ABL2: variants seen among roughly 807,000 people sequenced by gnomAD.
The protein encoded by ABL2 is tyrosine-protein kinase ABL2.
ABL2 carries 49 observed loss-of-function variants against 107.7 expected under a neutral mutation model. The observed-to-expected ratio is 0.45, with a 90% CI of 0.36 to 0.58. The LOEUF is 0.58. Ranked by LOEUF, ABL2 falls within the 20% of genes least tolerant of loss-of-function variation. The pLI, the probability that ABL2 is intolerant of heterozygous loss-of-function variation, is 0.00. For synonymous variants in ABL2, 549 were observed against 548.6 expected, an observed-to-expected ratio of 1.00 and a Z score of -0.01; for missense variants, 1,245 against 1,457.0, an observed-to-expected ratio of 0.85 and a Z score of 2.37.
chr1:179,151,633 G>C (rs925431343), intron 1 of ABL2, among the ~76,000 whole-genome samples: 1 of 152,002 alleles, frequency 6.6e-6, no homozygotes, highest in African/African-American at 2.4e-5. Flanking sequence ...AAAAGTAAAA[G>C]CTGTAACAGC....
intron 1 of ABL2, among the ~76,000 whole-genome samples, chr1:179,213,134 AAATT>A (rs1662375793): frequency 6.6e-6 from 1 of 151,952 alleles, no homozygotes; most frequent in Non-Finnish European, 1.5e-5. Flanking sequence ...TAAATTCAAA[AAATT>A]AATTTTTATA....
At chr1:179,170,923 G>T (rs1455324084) in intron 1 of ABL2, among the ~76,000 whole-genome samples, 1 of 151,982 alleles carries the variant, frequency 6.6e-6, no homozygotes, top group Non-Finnish European at 1.5e-5. Context: ...GTAGAGACAG[G>T]GTTTCACCAT....
At position 179,176,948 on chromosome 1, in the gene ABL2, G is replaced by A. The variant is rs191139902; in HGVS notation, c.158-43574C>T. ...TGATCTCAGGTGATCTGCCCACCTC[G>A]GCCTCCCAAAGTGCTGGGATTATAG... On this transcript the variant is annotated intron_variant, in intron 1 of 11. Transcript: ENST00000502732. Among the ~76,000 whole-genome samples the A allele has an allele frequency of 2.8e-3, 423 of 151,908 alleles. 1 individual carries two copies. Among genetic ancestry groups the A allele is most frequent in the African/African-American group, 9.0e-3 (372 of 41,424 alleles).
chr1:179,140,481 T>TTTA (rs1657473579), intron 1 of ABL2, among the ~76,000 whole-genome samples: 1 of 152,232 alleles, frequency 6.6e-6, no homozygotes, highest in Non-Finnish European at 1.5e-5. Context: ...AATTTACTTA[T>TTTA]TTATTATTAT....
chr1:179,181,946 A>ATTTTTTTTTTTTTTT (rs34828452), intron 1 of ABL2, among the ~76,000 whole-genome samples: 36 of 91,206 alleles, frequency 3.9e-4, no homozygotes, highest in Non-Finnish European at 5.8e-4. Context: ...AGGCCCGGCT[A>ATTTTTTTTTTTTTTT]TTTTTTTTTT....
chr1:179,218,770 C>T (rs1407378265), intron 1 of ABL2, among the ~76,000 whole-genome samples: 3 of 152,184 alleles, frequency 2.0e-5, no homozygotes, highest in African/African-American at 7.2e-5. Context: ...ACCTGTAACA[C>T]CTGAAAATTT....
At chr1:179,142,126 T>A (rs547234485) in intron 1 of ABL2, among the ~76,000 whole-genome samples, 1 of 152,338 alleles carries the variant, frequency 6.6e-6, no homozygotes, top group East Asian at 1.9e-4. Context: ...ATGACTACTA[T>A]AAATTAGGTA....
At chr1:179,210,296 A>G (rs1159775400) in intron 1 of ABL2, among the ~76,000 whole-genome samples, 2 of 152,122 alleles carry the variant, frequency 1.3e-5, no homozygotes, top group African/African-American at 4.8e-5. Context: ...ACCTGAGGTA[A>G]GGAATTTGAG....
intron 1 of ABL2, among the ~76,000 whole-genome samples, chr1:179,197,258 CA>C (rs1023638406): frequency 1.8e-4 from 26 of 142,574 alleles, no homozygotes; most frequent in South Asian, 2.2e-4. Context: ...ACACTAAAGA[CA>C]AAAAAAAAAA....
intron 1 of ABL2, among the ~76,000 whole-genome samples, chr1:179,197,841 C>T (rs1297370123): frequency 6.7e-6 from 1 of 150,100 alleles, no homozygotes; most frequent in Admixed American, 6.7e-5. Flanking sequence ...TGCATTCCAG[C>T]CTGGGTGACA....
intron 1 of ABL2, among the ~76,000 whole-genome samples, chr1:179,200,494 A>C (rs1383105081): frequency 6.6e-6 from 1 of 152,364 alleles, no homozygotes; most frequent in East Asian, 1.9e-4. Context: ...GAAGTTTTTC[A>C]GTCACAAATT....
intron 2 of ABL2, among the ~76,000 whole-genome samples, chr1:179,132,282 T>C (rs1008940333): frequency 6.6e-6 from 1 of 152,174 alleles, no homozygotes; most frequent in African/African-American, 2.4e-5. Flanking sequence ...TACGACCTGT[T>C]TTTTCCTTAA....
intron 1 of ABL2, among the ~76,000 whole-genome samples, chr1:179,160,671 T>C (rs1571223005): frequency 6.6e-6 from 1 of 152,190 alleles, no homozygotes; most frequent in African/African-American, 2.4e-5. Flanking sequence ...ATCTTAGTTA[T>C]ATTCTTAATA....
chr1:179,126,665 C>T lies in ABL2; in HGVS notation c.399G>A (p.Lys133=). The T allele has an allele frequency of 6.2e-7, 1 of 1,611,638 alleles. No homozygotes were observed. Among genetic ancestry groups the T allele is most frequent in the Non-Finnish European group, 8.5e-7 (1 of 1,178,138 alleles). ...TCTGGTTGTAACCAAGGACTCGTAG[C>T]TTTTCACCTAGCCATAAGGTCATCA... is the stretch of plus-strand genomic sequence containing the variant. The part of the protein sequence containing the change: ...DNTLSITKGE[K]LRVLGYNQNG... Residue 133 remains lysine, a synonymous_variant, in exon 4 of 12, where the codon AAG becomes AAA. Transcript: ENST00000502732. The surrounding 1 kb of genome is among the most constrained non-coding windows in gnomAD (Gnocchi z 4.4).
intron 1 of ABL2, among the ~76,000 whole-genome samples, chr1:179,135,278 G>T (rs1263837453): frequency 6.8e-6 from 1 of 146,812 alleles, no homozygotes. Context: ...TCCCATCTAG[G>T]AAGTGAGGAG....
chr1:179,218,052 A>G (rs898671017), intron 1 of ABL2, among the ~76,000 whole-genome samples: 1 of 152,238 alleles, frequency 6.6e-6, no homozygotes, highest in African/African-American at 2.4e-5. Context: ...GATATTGAGT[A>G]CTTAGAACAT....
intron 1 of ABL2, among the ~76,000 whole-genome samples, chr1:179,157,897 G>A (rs1571218414): frequency 6.6e-6 from 1 of 152,108 alleles, no homozygotes; most frequent in African/African-American, 2.4e-5. Context: ...AAGCATAGGA[G>A]CTAGTAGAGT....
intron 1 of ABL2, among the ~76,000 whole-genome samples, chr1:179,213,321 T>C (rs1662391180): frequency 6.6e-6 from 1 of 152,122 alleles, no homozygotes; most frequent in Non-Finnish European, 1.5e-5. Flanking sequence ...CTTATTTTTA[T>C]TTTTGTCTTT....
intron 1 of ABL2, among the ~76,000 whole-genome samples, chr1:179,197,441 G>A (rs1661381958): frequency 6.6e-6 from 1 of 151,694 alleles, no homozygotes; most frequent in Non-Finnish European, 1.5e-5. Flanking sequence ...ATGACTTTGA[G>A]GGCCCTTTTA....
Sources: gnomAD v4.1 joint callset for allele counts (sites outside exome capture counted in the v4.1 genomes callset) on GRCh38, gnomAD v4.1.1 for gene constraint, Gnocchi (gnomAD v3.1) non-coding constraint, MANE v1.5 for transcripts, NCBI Gene and HGNC (gene_info 2026-07-23, HGNC 2026-07-21) for gene names.